CSMD3: variants seen among roughly 807,000 people sequenced by gnomAD.
CSMD3 encodes the protein CUB and Sushi multiple domains 3.
A neutral mutation model predicts 435.2 loss-of-function variants in CSMD3; 177 were observed. That is an observed-to-expected ratio of 0.41 (90% CI 0.36 to 0.46). The LOEUF (loss-of-function observed/expected upper bound fraction) is 0.46. Ranked by LOEUF, CSMD3 falls within the 20% of genes least tolerant of loss-of-function variation. The pLI is 0.34. For missense variants in CSMD3, 4,265 were observed against 4,504.6 expected (o/e 0.95, Z 1.52); for synonymous variants, 1,656 against 1,520.5 (o/e 1.09, Z -2.07).
intron 13 of CSMD3, among the ~76,000 whole-genome samples, chr8:112,738,933 T>C (rs1217856990): frequency 6.6e-6 from 1 of 151,752 alleles, no homozygotes; most frequent in Non-Finnish European, 1.5e-5. Flanking sequence ...GTGCCCTTTA[T>C]CTTGAAGTAT....
intron 27 of CSMD3, among the ~76,000 whole-genome samples, chr8:112,531,505 T>A (rs542531550): frequency 6.6e-6 from 1 of 152,044 alleles, no homozygotes; most frequent in African/African-American, 2.4e-5. Context: ...CAGCTGAGTA[T>A]GAAGAGACTC....
intron 32 of CSMD3, among the ~76,000 whole-genome samples, chr8:112,443,218 C>T (rs866623497): frequency 3.2e-4 from 49 of 152,068 alleles, no homozygotes; most frequent in African/African-American, 1.2e-3. Context: ...TATAGTGACA[C>T]ACAGGAGACA....
intron 13 of CSMD3, among the ~76,000 whole-genome samples, chr8:112,763,700 T>A (rs886578086): frequency 4.0e-5 from 6 of 150,560 alleles, no homozygotes; most frequent in Admixed American, 6.7e-5. Flanking sequence ...TTATAATTTT[T>A]TTTTATTTTA....
chr8:112,355,623 GGA>G (rs1826521632), intron 38 of CSMD3, among the ~76,000 whole-genome samples: 1 of 152,032 alleles, frequency 6.6e-6, no homozygotes, highest in African/African-American at 2.4e-5. Context: ...CACGAGGTTA[GGA>G]GATTGAGACC....
At chr8:113,406,390 G>A (rs1414500056) in intron 1 of CSMD3, among the ~76,000 whole-genome samples, 1 of 151,914 alleles carries the variant, frequency 6.6e-6, no homozygotes, top group Non-Finnish European at 1.5e-5. Flanking sequence ...AAATCTGAAT[G>A]TTAATGAGAT....
chr8:112,321,329 C>T (rs1376200909), intron 45 of CSMD3, among the ~76,000 whole-genome samples: 1 of 152,106 alleles, frequency 6.6e-6, no homozygotes, highest in East Asian at 1.9e-4. Context: ...TTTCAAAGCC[C>T]ATTCAACACT....
chr8:113,191,507 T>G (rs1353954147), intron 3 of CSMD3, among the ~76,000 whole-genome samples: 1 of 151,738 alleles, frequency 6.6e-6, no homozygotes, highest in Non-Finnish European at 1.5e-5. Context: ...TGGTTTTCTG[T>G]TCCCATGTTA....
chr8:112,759,655 T>C (rs2077788817), intron 13 of CSMD3, among the ~76,000 whole-genome samples: 1 of 152,150 alleles, frequency 6.6e-6, no homozygotes, highest in African/African-American at 2.4e-5. Context: ...CTGTATTTGA[T>C]TAATGTATCA....
At chr8:112,870,571 C>T (rs973404826) in intron 10 of CSMD3, among the ~76,000 whole-genome samples, 7 of 151,818 alleles carry the variant, frequency 4.6e-5, no homozygotes, top group African/African-American at 9.7e-5. Flanking sequence ...CCACTGCGCC[C>T]GGCCCAGAAT....
intron 27 of CSMD3, among the ~76,000 whole-genome samples, chr8:112,524,248 A>G (rs2131029880): frequency 6.6e-6 from 1 of 152,156 alleles, no homozygotes; most frequent in South Asian, 2.1e-4. Flanking sequence ...GATCTGTACA[A>G]GAAACTCATT....
At chr8:112,243,220 C>T (rs1411847020) in intron 65 of CSMD3, among the ~76,000 whole-genome samples, 1 of 141,908 alleles carries the variant, frequency 7.0e-6, no homozygotes, top group African/African-American at 2.6e-5. Context: ...TCTCATACTA[C>T]AGCGATTTCA....
Position 113,126,185 on chromosome 8 carries a change from TAA to T in CSMD3, c.710-27224_710-27223del, listed in dbSNP as rs569527569. Among the ~76,000 whole-genome samples, 571 of 152,042 alleles carry T rather than the reference TAA, an allele frequency of 3.8e-3. 6 individuals carry two copies. Among genetic ancestry groups the T allele is most frequent in the Non-Finnish European group, 5.5e-3 (373 of 67,960 alleles). On this transcript the variant is annotated intron_variant, in intron 4 of 70. Transcript: ENST00000297405. ...ACAACTCTATGAAATCTAGTGATGT[TAA>T]ATAACTAGCATAGATGAGAAACAAT...
rs183574701 is a variant in CSMD3, at chr8:112,646,274, T to C, written c.3194-1049A>G. 2.4e-3 allele frequency among the ~76,000 whole-genome samples: 370 copies of C among 152,268 alleles called. 5 individuals are homozygous for C. Among genetic ancestry groups the C allele is most frequent in the Non-Finnish European group, 7.5e-4 (51 of 68,002 alleles). ...ATGAAAATTAAGGGAGTTAAATTAA[T>C]TTAAAATACACAAAAAGGTAACAAA... is the stretch of plus-strand genomic sequence containing the variant. On this transcript the variant is annotated intron_variant, in intron 19 of 70. Transcript: ENST00000297405.
At chr8:113,281,705 T>C (rs2093614219) in intron 2 of CSMD3, among the ~76,000 whole-genome samples, 3 of 151,958 alleles carry the variant, frequency 2.0e-5, no homozygotes, top group Admixed American at 2.0e-4. Context: ...TCGTGCACTT[T>C]GTTGCCTGTG....
intron 22 of CSMD3, among the ~76,000 whole-genome samples, chr8:112,591,331 A>T (rs1020975504): frequency 3.3e-5 from 5 of 152,132 alleles, no homozygotes; most frequent in Non-Finnish European, 7.4e-5. Context: ...AAATTTGATG[A>T]TAAGAGTCAC....
At chr8:112,240,988 C>T (rs1163474081) in intron 66 of CSMD3, among the ~76,000 whole-genome samples, 2 of 152,056 alleles carry the variant, frequency 1.3e-5, no homozygotes, top group Non-Finnish European at 2.9e-5. Context: ...TCCACTTAAA[C>T]CTCTTTCTTT....
intron 32 of CSMD3, among the ~76,000 whole-genome samples, chr8:112,439,495 C>A (rs551261868): frequency 2.6e-5 from 4 of 152,030 alleles, no homozygotes; most frequent in African/African-American, 9.6e-5. Context: ...AGCATAAAGG[C>A]ATATAATCTG....
chr8:112,289,586 G>A (rs879380909), intron 56 of CSMD3, 48 bp from the exon 57 acceptor site: 20 of 1,216,004 alleles, frequency 1.6e-5, no homozygotes, highest in East Asian at 1.0e-4. Flanking sequence ...ATCTCCTATC[G>A]AACAACCTAT....
chr8:112,745,261 G>A (rs911227106), intron 13 of CSMD3, among the ~76,000 whole-genome samples: 4 of 151,704 alleles, frequency 2.6e-5, no homozygotes, highest in African/African-American at 9.7e-5. Context: ...ATGTTGGGAG[G>A]GCTCACTGAA....
Sources: allele counts gnomAD v4.1 joint callset (sites outside exome capture counted in the v4.1 genomes callset), GRCh38; gene constraint gnomAD v4.1.1; transcripts MANE v1.5; gene names NCBI Gene and HGNC (gene_info 2026-07-23, HGNC 2026-07-21).